LRMDA: variants seen among roughly 807,000 people sequenced by gnomAD.
LRMDA encodes leucine rich melanocyte differentiation associated, also known as leucine-rich melanocyte differentiation-associated protein.
LRMDA carries 18 observed loss-of-function variants against 29.8 expected under a neutral mutation model. The observed-to-expected ratio is 0.60, with a 90% CI of 0.42 to 0.90. LRMDA has a LOEUF of 0.90. Ranked by LOEUF, LRMDA falls within the 40% of genes least tolerant of loss-of-function variation. LRMDA has a pLI of 0.00. For synonymous variants in LRMDA, 125 were observed against 109.4 expected, an observed-to-expected ratio of 1.14 and a Z score of -0.89; for missense variants, 273 against 273.9, an observed-to-expected ratio of 1.00 and a Z score of 0.02.
At chr10:75,566,322 C>T (rs772923545) in intron 2 of LRMDA, among the ~76,000 whole-genome samples, 1 of 152,186 alleles carries the variant, frequency 6.6e-6, no homozygotes, top group Non-Finnish European at 1.5e-5. Context: ...CTCCCATTCA[C>T]TCCTTACTCT....
At chr10:76,524,885 C>T (rs1346821451) in intron 6 of LRMDA, among the ~76,000 whole-genome samples, 2 of 152,080 alleles carry the variant, frequency 1.3e-5, no homozygotes, top group African/African-American at 2.4e-5. Context: ...TTTTTTCCTC[C>T]ACATATAAAA....
intron 5 of LRMDA, among the ~76,000 whole-genome samples, chr10:76,069,130 G>T (rs1435282946): frequency 2.6e-5 from 4 of 152,168 alleles, no homozygotes; most frequent in Non-Finnish European, 5.9e-5. Context: ...TTTTTGCCTA[G>T]AAGTTGTTTT....
In LRMDA at chr10:75,916,193, T is replaced by TGTGTGGGTGG. The variant is rs72087365; in HGVS notation, c.132-119812_132-119811insTGGGTGGGTG. Among the ~76,000 whole-genome samples the TGTGTGGGTGG allele has an allele frequency of 9.1e-4, 128 of 140,124 alleles. No homozygotes were observed. The East Asian group carries it at 0.018, about 20-fold the overall frequency. The allele number at this position is 140,124 out of a possible 152,430, so 91.9% of individuals were successfully genotyped here. ...GTGTGTGTGTGTGTGTGTGTGTGTG[T>TGTGTGGGTGG]GTGGGTGGGTGTGCATGTGTGTATA... On this transcript the variant is annotated intron_variant, in intron 2 of 6. Coordinates refer to ENST00000611255, the MANE Select transcript of LRMDA (RefSeq NM_001305581.2).
chr10:75,625,940 C>T (rs965376467), intron 2 of LRMDA, among the ~76,000 whole-genome samples: 9 of 152,068 alleles, frequency 5.9e-5, no homozygotes, highest in East Asian at 1.9e-4. Context: ...CAGCCTTGAC[C>T]TCCTGGGCTC....
At chr10:75,571,948 C>CTGT (rs1357200016) in intron 2 of LRMDA, among the ~76,000 whole-genome samples, 1 of 151,994 alleles carries the variant, frequency 6.6e-6, no homozygotes, top group African/African-American at 2.4e-5. Context: ...AACATTCCCA[C>CTGT]TGTTATTATT....
At chr10:76,275,415 T>G (rs1840119139) in intron 5 of LRMDA, among the ~76,000 whole-genome samples, 1 of 152,116 alleles carries the variant, frequency 6.6e-6, no homozygotes, top group Non-Finnish European at 1.5e-5. Context: ...TTGGGGACTT[T>G]TTTAAGTATA....
In LRMDA at chr10:75,894,351, C is replaced by T. The variant is rs564153051; in HGVS notation, c.132-141657C>T. Among the ~76,000 whole-genome samples the T allele has an allele frequency of 1.2e-4, 19 of 152,284 alleles. No individual in the cohort carries two copies. In the East Asian group the frequency reaches 1.9e-3, roughly 15 times the overall value. ...ATCTCATCCAGGTCTCTGCAAATGC[C>T]GTTAATTCCTTCCTTTTTATGGCTG... On this transcript the variant is annotated intron_variant, in intron 2 of 6. Coordinates refer to ENST00000611255, the MANE Select transcript of LRMDA (RefSeq NM_001305581.2).
At chr10:75,752,110 G>A (rs1842976486) in intron 2 of LRMDA, among the ~76,000 whole-genome samples, 1 of 150,592 alleles carries the variant, frequency 6.6e-6, no homozygotes, top group African/African-American at 2.4e-5. Flanking sequence ...TTGGCCTTTA[G>A]TAATAATTTT....
At chr10:75,676,992 C>T (rs374498730) in intron 2 of LRMDA, among the ~76,000 whole-genome samples, 1 of 152,182 alleles carries the variant, frequency 6.6e-6, no homozygotes, top group African/African-American at 2.4e-5. Flanking sequence ...ATATTTATGG[C>T]ATTAAAGCCA....
intron 2 of LRMDA, among the ~76,000 whole-genome samples, chr10:75,700,520 C>T (rs1390246941): frequency 4.6e-5 from 7 of 150,710 alleles, no homozygotes; most frequent in African/African-American, 1.7e-4. Flanking sequence ...ACTGCAAGCT[C>T]CACCTCCTGG....
chr10:75,725,343 G>C (rs1316120543), intron 2 of LRMDA, among the ~76,000 whole-genome samples: 4 of 152,208 alleles, frequency 2.6e-5, no homozygotes, highest in Non-Finnish European at 4.4e-5. Context: ...CAGAGAGGCT[G>C]GGACAGCAGA....
intron 2 of LRMDA, among the ~76,000 whole-genome samples, chr10:75,630,028 C>T (rs1416450131): frequency 6.6e-6 from 1 of 152,222 alleles, no homozygotes; most frequent in East Asian, 1.9e-4. Context: ...ATTTTATTTA[C>T]ATAAATCATC....
chr10:76,063,472 C>T (rs1848735312), intron 5 of LRMDA, among the ~76,000 whole-genome samples: 1 of 152,018 alleles, frequency 6.6e-6, no homozygotes, highest in African/African-American at 2.4e-5. Flanking sequence ...CTGATTTTCC[C>T]ATCGTGTAGT....
At chr10:76,107,620 G>T (rs191626885) in intron 5 of LRMDA, among the ~76,000 whole-genome samples, 9 of 152,316 alleles carry the variant, frequency 5.9e-5, no homozygotes, top group Admixed American at 5.2e-4. Context: ...TGTTTCCGCT[G>T]TCTCTGTTAA....
intron 5 of LRMDA, among the ~76,000 whole-genome samples, chr10:76,257,005 A>G (rs547836655): frequency 1.2e-4 from 19 of 152,322 alleles, no homozygotes; most frequent in African/African-American, 3.1e-4. Flanking sequence ...CTGTCATTCA[A>G]TGAGACTACT....
At chr10:75,440,361 C>G (rs1176385126) in intron 2 of LRMDA, among the ~76,000 whole-genome samples, 1 of 151,610 alleles carries the variant, frequency 6.6e-6, no homozygotes, top group African/African-American at 2.4e-5. Flanking sequence ...CACATCTGGT[C>G]AGGAGCCTGT....
At chr10:75,942,364 C>T (rs1477984176) in intron 2 of LRMDA, among the ~76,000 whole-genome samples, 2 of 152,126 alleles carry the variant, frequency 1.3e-5, no homozygotes, top group African/African-American at 2.4e-5. Flanking sequence ...TAAACATGTT[C>T]CCTTTCAATA....
chr10:75,644,921 T>C (rs1462969439), intron 2 of LRMDA, among the ~76,000 whole-genome samples: 2 of 151,936 alleles, frequency 1.3e-5, no homozygotes, highest in South Asian at 4.1e-4. Flanking sequence ...GGCCCACTCT[T>C]AGGAGTGGTG....
intron 2 of LRMDA, among the ~76,000 whole-genome samples, chr10:75,796,935 C>T (rs923146449): frequency 4.6e-5 from 7 of 152,120 alleles, no homozygotes; most frequent in African/African-American, 1.7e-4. Context: ...ATTTTCTTTT[C>T]TTGTAATATT....
Sources: gnomAD v4.1 joint callset for allele counts (sites outside exome capture counted in the v4.1 genomes callset) on GRCh38, gnomAD v4.1.1 for gene constraint, MANE v1.5 for transcripts, NCBI Gene and HGNC (gene_info 2026-07-23, HGNC 2026-07-21) for gene names.